NALF1: variants seen among roughly 807,000 people sequenced by gnomAD.
NALF1 encodes the protein NALCN channel auxiliary factor 1.
In NALF1, 3 loss-of-function variants were observed where a neutral mutation model predicts 48.4. The observed-to-expected ratio is 0.06, with a 90% CI of 0.03 to 0.16. The LOEUF (loss-of-function observed/expected upper bound fraction) is 0.16, where lower values mean the gene tolerates loss of function less well. Ranked by LOEUF, NALF1 falls within the 10% of genes least tolerant of loss-of-function variation. The pLI, the probability that NALF1 is intolerant of heterozygous loss-of-function variation, is 1.00. For synonymous variants in NALF1, 262 were observed against 245.7 expected (o/e 1.07, Z -0.62); for missense variants, 526 against 571.5 (o/e 0.92, Z 0.81).
chr13:107,195,402 T>C (rs1440762043), intron 2 of NALF1, among the ~76,000 whole-genome samples: 3 of 152,238 alleles, frequency 2.0e-5, no homozygotes, highest in Non-Finnish European at 2.9e-5. Context: ...CCAGAAGCTA[T>C]GAATTAAACC....
chr13:107,391,984 T>C (rs1883635043), intron 1 of NALF1, among the ~76,000 whole-genome samples: 1 of 152,164 alleles, frequency 6.6e-6, no homozygotes, highest in African/African-American at 2.4e-5. Flanking sequence ...AGTCTTTCTG[T>C]TGACACTGTT....
chr13:107,441,012 CT>C (rs1323365284), intron 1 of NALF1, among the ~76,000 whole-genome samples: 3 of 152,154 alleles, frequency 2.0e-5, no homozygotes, highest in Non-Finnish European at 2.9e-5. Context: ...TCTCTCCAAC[CT>C]CCAAACCAAT....
intron 1 of NALF1, among the ~76,000 whole-genome samples, chr13:107,390,586 C>CA (rs1413809013): frequency 2.0e-5 from 3 of 151,718 alleles, no homozygotes; most frequent in Admixed American, 2.0e-4. Flanking sequence ...ATCTCAAAAA[C>CA]AAAAAACAAA....
intron 1 of NALF1, among the ~76,000 whole-genome samples, chr13:107,844,985 A>G (rs1880133595): frequency 6.6e-6 from 1 of 152,190 alleles, no homozygotes. Context: ...TATCAGATAT[A>G]ATGCAAGAAT....
chr13:107,327,459 C>T (rs564265253), intron 1 of NALF1, among the ~76,000 whole-genome samples: 16 of 152,238 alleles, frequency 1.1e-4, no homozygotes, highest in East Asian at 3.9e-4. Flanking sequence ...CTATAATGGG[C>T]GATATTCTAA....
intron 1 of NALF1, among the ~76,000 whole-genome samples, chr13:107,705,365 T>A (rs990566545): frequency 4.6e-5 from 7 of 152,162 alleles, no homozygotes; most frequent in African/African-American, 1.7e-4. Context: ...GAAATGAAAA[T>A]CATTTACTGC....
At chr13:107,394,971 T>C (rs1883687973) in intron 1 of NALF1, among the ~76,000 whole-genome samples, 1 of 152,184 alleles carries the variant, frequency 6.6e-6, no homozygotes, top group Non-Finnish European at 1.5e-5. Flanking sequence ...TCCAATGATA[T>C]CCTGCTTCAT....
At chr13:107,480,137 T>G (rs551502660) in intron 1 of NALF1, among the ~76,000 whole-genome samples, 1 of 152,298 alleles carries the variant, frequency 6.6e-6, no homozygotes, top group Non-Finnish European at 1.5e-5. Context: ...CAAATTTAGT[T>G]ATTAAAATCT....
chr13:107,798,023 T>C (rs1034103496), intron 1 of NALF1, among the ~76,000 whole-genome samples: 6 of 152,188 alleles, frequency 3.9e-5, no homozygotes. Context: ...AATAAGCAGA[T>C]TGTATTCAGG....
intron 1 of NALF1, among the ~76,000 whole-genome samples, chr13:107,809,216 A>G (rs1363357921): frequency 6.6e-6 from 1 of 151,904 alleles, no homozygotes; most frequent in Admixed American, 6.6e-5. Flanking sequence ...CACTTCTCAT[A>G]CTGCGGTTAA....
chr13:107,414,821 G>T (rs1450419510), intron 1 of NALF1, among the ~76,000 whole-genome samples: 2 of 151,856 alleles, frequency 1.3e-5, no homozygotes, highest in Admixed American at 6.6e-5. Flanking sequence ...GAGTGAGTGT[G>T]TGTGTGTGTG....
intron 1 of NALF1, among the ~76,000 whole-genome samples, chr13:107,582,874 CA>C (rs1340789559): frequency 3.9e-5 from 6 of 152,234 alleles, no homozygotes; most frequent in Admixed American, 2.6e-4. Context: ...TCTACGCGTG[CA>C]CATCCACACA....
chr13:107,259,500 G>T (rs571152131), intron 1 of NALF1, among the ~76,000 whole-genome samples: 2 of 152,264 alleles, frequency 1.3e-5, no homozygotes, highest in Admixed American at 6.5e-5. Context: ...ACATTGAGAG[G>T]CATGAGGACA....
chr13:107,684,927 C>T (rs1419774781), intron 1 of NALF1, among the ~76,000 whole-genome samples: 2 of 152,176 alleles, frequency 1.3e-5, no homozygotes, highest in African/African-American at 2.4e-5. Flanking sequence ...CTTCCCATTG[C>T]TAATTGGGGC....
At chr13:107,727,302 A>AT (rs766431056) in intron 1 of NALF1, among the ~76,000 whole-genome samples, 4 of 152,186 alleles carry the variant, frequency 2.6e-5, no homozygotes, top group Non-Finnish European at 5.9e-5. Flanking sequence ...AAGATGCATT[A>AT]TTTCCTTATA....
rs1566511811 is a variant in NALF1, at chr13:107,866,364, T to TGCC, written c.230_232dup (p.Arg77dup). The TGCC allele has an allele frequency of 6.5e-7, 1 of 1,543,720 alleles. No individual in the cohort carries two copies. Among genetic ancestry groups the TGCC allele is most frequent in the Non-Finnish European group, 8.8e-7 (1 of 1,132,440 alleles). On this transcript the variant is annotated inframe_insertion, in exon 1 of 3. Coordinates refer to ENST00000375915, the MANE Select transcript of NALF1 (RefSeq NM_001080396.3). This position sits in a 1 kb window ranked among gnomAD's most constrained non-coding sequence, Gnocchi z 4.4. ...CTGCTGCTGCTGCTGCTGCTGCTGC[T>TGCC]GCCGCTGCTGCTGCTGGTGCTCCTT... is the stretch of plus-strand genomic sequence containing the variant.
chr13:107,326,098 T>A (rs72650542), intron 1 of NALF1, among the ~76,000 whole-genome samples: 6,687 of 151,162 alleles, frequency 0.044, 237 homozygotes, highest in East Asian at 0.19. Context: ...AACAATTTTT[T>A]TAAAAAAATC....
chr13:107,300,360 T>G (rs990576818), intron 1 of NALF1, among the ~76,000 whole-genome samples: 1 of 152,218 alleles, frequency 6.6e-6, no homozygotes, highest in Non-Finnish European at 1.5e-5. Flanking sequence ...ATATATTCCC[T>G]GCATTTGCAG....
At chr13:107,500,072 A>C (rs1292819716) in intron 1 of NALF1, among the ~76,000 whole-genome samples, 1 of 152,178 alleles carries the variant, frequency 6.6e-6, no homozygotes, top group Non-Finnish European at 1.5e-5. Context: ...AGAAGTTTAC[A>C]ACTGGGCTTG....
Sources: gnomAD v4.1 joint callset for allele counts (sites outside exome capture counted in the v4.1 genomes callset) on GRCh38, gnomAD v4.1.1 for gene constraint, Gnocchi (gnomAD v3.1) non-coding constraint, MANE v1.5 for transcripts, NCBI Gene and HGNC (gene_info 2026-07-23, HGNC 2026-07-21) for gene names.